TEKTL1: variants seen among roughly 807,000 people sequenced by gnomAD.
TEKTL1 encodes tektin-like protein 1.
chr19:15,020,525 T>C, the TEKTL1 span: 1 of 1,613,822 alleles, frequency 6.2e-7, no homozygotes, highest in South Asian at 1.1e-5. Context: ...GCCGTGGACC[T>C]CATGAACCAG....
At chr19:15,018,955 TG>T in the TEKTL1 span, among the ~76,000 whole-genome samples, 1 of 151,794 alleles carries the variant, frequency 6.6e-6, no homozygotes, top group South Asian at 2.1e-4. Context: ...TGGTTGTTTT[TG>T]TTTTTGTTTT....
chr19:15,017,392 C>T, the TEKTL1 span, among the ~76,000 whole-genome samples: 1 of 152,048 alleles, frequency 6.6e-6, no homozygotes, highest in Non-Finnish European at 1.5e-5. Flanking sequence ...GTGCAAATGA[C>T]TTGTTTTGAT....
chr19:15,022,721 G>GTT, the TEKTL1 span: 2 of 584,532 alleles, frequency 3.4e-6, no homozygotes, highest in Non-Finnish European at 5.3e-6. Context: ...GCCCTGTCGC[G>GTT]GTTTTTTTTT....
chr19:15,011,194 C>G, the TEKTL1 span: 37 of 1,481,490 alleles, frequency 2.5e-5, no homozygotes, highest in Admixed American at 5.1e-5. Context: ...TGCAGACCAC[C>G]GAGGTGGTGC....
the TEKTL1 span, chr19:15,023,093 CGCA>C: frequency 6.2e-7 from 1 of 1,607,810 alleles, no homozygotes; most frequent in Non-Finnish European, 8.5e-7. Context: ...GCCGCCGCCG[CGCA>C]GCAAGAGCAG....
At chr19:15,010,842 C>G in the TEKTL1 span, 1 of 1,542,660 alleles carries the variant, frequency 6.5e-7, no homozygotes, top group Non-Finnish European at 8.7e-7. Context: ...GTGTTGGTAC[C>G]CCCGGCTGAG....
chr19:15,021,863 C>T, the TEKTL1 span: 3 of 1,614,014 alleles, frequency 1.9e-6, no homozygotes, highest in Non-Finnish European at 2.5e-6. Context: ...ACCCCTGGTT[C>T]GCATGTACCA....
the TEKTL1 span, among the ~76,000 whole-genome samples, chr19:15,014,724 G>T: frequency 1.8e-4 from 23 of 128,726 alleles, no homozygotes; most frequent in Non-Finnish European, 2.0e-4. Context: ...GAGACTCAGT[G>T]GGGGGGCGGG....
the TEKTL1 span, among the ~76,000 whole-genome samples, chr19:15,019,058 C>T: frequency 6.6e-6 from 1 of 152,040 alleles, no homozygotes; most frequent in Admixed American, 6.6e-5. Context: ...AGGTGACCCC[C>T]CCACCTCAGC....
At chr19:15,022,808 G>A in the TEKTL1 span, 1,052 of 1,511,494 alleles carry the variant, frequency 7.0e-4, 9 homozygotes, top group African/African-American at 0.013. Context: ...TGGCGCAGGT[G>A]TGCCTTCCCA....
the TEKTL1 span, chr19:15,011,406 C>T: frequency 2.2e-5 from 31 of 1,412,590 alleles, no homozygotes; most frequent in Non-Finnish European, 2.8e-5. Flanking sequence ...GTGGGACCCT[C>T]CCCCACGCCC....
At chr19:15,014,192 C>G in the TEKTL1 span, among the ~76,000 whole-genome samples, 4 of 152,218 alleles carry the variant, frequency 2.6e-5, no homozygotes, top group African/African-American at 4.8e-5. Flanking sequence ...CAGCTTCAGC[C>G]AGACTTGATC....
chr19:15,017,128 G>T, the TEKTL1 span, among the ~76,000 whole-genome samples: 9 of 152,170 alleles, frequency 5.9e-5, no homozygotes, highest in African/African-American at 2.2e-4. Flanking sequence ...AGGCTGAGCT[G>T]AGAGGATCTC....
At chr19:15,014,738 C>CGGGGGGAGGGGG in the TEKTL1 span, among the ~76,000 whole-genome samples, 318 of 29,798 alleles carry the variant, frequency 0.011, 6 homozygotes, top group African/African-American at 0.037. Flanking sequence ...GGGCGGGGGG[C>CGGGGGGAGGGGG]GGGGGCTGCT....
the TEKTL1 span, among the ~76,000 whole-genome samples, chr19:15,011,660 G>T: frequency 6.6e-6 from 1 of 151,452 alleles, no homozygotes; most frequent in South Asian, 2.1e-4. Flanking sequence ...CTTGAACCCG[G>T]GAGGCAGAGG....
the TEKTL1 span, chr19:15,011,306 A>G: frequency 6.6e-7 from 1 of 1,525,346 alleles, no homozygotes; most frequent in South Asian, 1.3e-5. Flanking sequence ...GCGCGAGGTC[A>G]CCGACCACAG....
At chr19:15,010,811 G>T in the TEKTL1 span, 9 of 1,515,484 alleles carry the variant, frequency 5.9e-6, no homozygotes, top group African/African-American at 1.2e-4. Flanking sequence ...CAGGCCGAGA[G>T]ACCAAGCAGG....
At chr19:15,021,797 C>T in the TEKTL1 span, 1 of 1,613,500 alleles carries the variant, frequency 6.2e-7, no homozygotes, top group Non-Finnish European at 8.5e-7. Context: ...GCACACCGCA[C>T]CCCACCAGGG....
chr19:15,021,394 G>A, the TEKTL1 span: 11 of 1,614,254 alleles, frequency 6.8e-6, no homozygotes, highest in Non-Finnish European at 9.3e-6. Flanking sequence ...GTTGTTGGTC[G>A]AGTCCAAGGA....
Sources: gnomAD v4.1 joint callset for allele counts (sites outside exome capture counted in the v4.1 genomes callset) on GRCh38, gnomAD v4.1.1 for gene constraint, MANE v1.5 for transcripts, NCBI Gene and HGNC (gene_info 2026-07-23, HGNC 2026-07-21) for gene names.